Variants in EYS observed in about 807,000 individuals in gnomAD.
The protein encoded by EYS is protein eyes shut homolog.
Under a neutral mutation model 282.1 loss-of-function variants are expected in EYS, and 250 were observed. The observed-to-expected ratio is 0.89, with a 90% CI of 0.80 to 0.98. The LOEUF is 0.98. EYS is among the 50% of genes least tolerant of loss of function. The pLI, the probability that EYS is intolerant of heterozygous loss-of-function variation, is 0.00. For missense variants in EYS, 4,016 were observed against 3,709.0 expected (o/e 1.08, Z -2.15); for synonymous variants, 1,355 against 1,282.9 (o/e 1.06, Z -1.20).
intron 37 of EYS, among the ~76,000 whole-genome samples, chr6:63,792,452 C>A (rs1178426942): frequency 6.6e-6 from 1 of 152,030 alleles, no homozygotes; most frequent in Non-Finnish European, 1.5e-5. Context: ...AAGTCCTTTA[C>A]AATCATTTAG....
At chr6:64,313,996 G>A (rs1265119255) in intron 29 of EYS, among the ~76,000 whole-genome samples, 2 of 151,918 alleles carry the variant, frequency 1.3e-5, no homozygotes, top group Admixed American at 6.6e-5. Context: ...CATAATGACA[G>A]GATCAAATTC....
At chr6:64,867,906 A>C (rs9294627) in intron 19 of EYS, among the ~76,000 whole-genome samples, 23,497 of 151,450 alleles carry the variant, frequency 0.16, 2,145 homozygotes, top group East Asian at 0.49. Context: ...TTCATTAGAC[A>C]ACTGACATTA....
chr6:63,788,691 C>T (rs1337433645), intron 38 of EYS, among the ~76,000 whole-genome samples: 1 of 152,168 alleles, frequency 6.6e-6, no homozygotes, highest in Non-Finnish European at 1.5e-5. Flanking sequence ...CCTTATCTGT[C>T]TCTAACCACT....
At chr6:64,051,271 T>C (rs768906286) in intron 33 of EYS, among the ~76,000 whole-genome samples, 4 of 152,164 alleles carry the variant, frequency 2.6e-5, no homozygotes, top group Non-Finnish European at 5.9e-5. Flanking sequence ...CCTGCTTGCA[T>C]AGAGTTTATA....
chr6:64,558,216 T>A (rs1368544017), intron 26 of EYS, among the ~76,000 whole-genome samples: 5 of 152,050 alleles, frequency 3.3e-5, no homozygotes, highest in Admixed American at 3.3e-4. Flanking sequence ...TAAATATTTT[T>A]ATAATATTTT....
chr6:63,757,290 C>T (rs1275612942), intron 41 of EYS, among the ~76,000 whole-genome samples: 1 of 151,834 alleles, frequency 6.6e-6, no homozygotes, highest in Non-Finnish European at 1.5e-5. Context: ...TGAAAGATGC[C>T]CTGGTTTCCT....
At chr6:65,497,012 C>A (rs1007925028) in intron 2 of EYS, among the ~76,000 whole-genome samples, 2 of 151,878 alleles carry the variant, frequency 1.3e-5, no homozygotes, top group African/African-American at 4.8e-5. Context: ...ACAAATAACA[C>A]AAATATGCAT....
intron 22 of EYS, among the ~76,000 whole-genome samples, chr6:64,643,782 C>A (rs1377970894): frequency 1.3e-5 from 2 of 152,204 alleles, no homozygotes; most frequent in Non-Finnish European, 2.9e-5. Flanking sequence ...CTTTCTTTGC[C>A]TGCTGCCATC....
chr6:63,890,005 C>A (rs1389846405), intron 35 of EYS, among the ~76,000 whole-genome samples: 1 of 152,008 alleles, frequency 6.6e-6, no homozygotes, highest in East Asian at 1.9e-4. Context: ...CAACAAAGAT[C>A]AAAAAAGACA....
chr6:64,555,051 A>G (rs2149808100), intron 26 of EYS, among the ~76,000 whole-genome samples: 1 of 152,162 alleles, frequency 6.6e-6, no homozygotes, highest in East Asian at 1.9e-4. Flanking sequence ...TCAGTACGTC[A>G]AAAAGATATA....
At chr6:63,827,866 A>AAAAAT (rs1562046172) in intron 36 of EYS, among the ~76,000 whole-genome samples, 35 of 148,504 alleles carry the variant, frequency 2.4e-4, no homozygotes, top group African/African-American at 4.7e-4. Context: ...AAAAAAAAAA[A>AAAAAT]AAAAAGAAAT....
chr6:65,296,654 T>C (rs1457497457), intron 11 of EYS, among the ~76,000 whole-genome samples: 1 of 151,858 alleles, frequency 6.6e-6, no homozygotes, highest in Non-Finnish European at 1.5e-5. Flanking sequence ...ATATTTTGAA[T>C]TTTAAAATAT....
At position 64,130,463 on chromosome 6, in the gene EYS, C is replaced by T. The variant is rs574366964; in HGVS notation, c.6425-48461G>A. 1.2e-4 allele frequency among the ~76,000 whole-genome samples: 19 copies of T among 152,208 alleles called. No homozygotes were observed. The South Asian group carries it at 3.9e-3, about 32-fold the overall frequency. ...CATGGACACAGGAAAGGGAACATCA[C>T]ACACTGGGGCCTGTTGTGGGGTGCA... On this transcript the variant is annotated intron_variant, in intron 31 of 42. Coordinates refer to ENST00000503581, the MANE Select transcript of EYS (RefSeq NM_001142800.2).
chr6:64,406,006 A>G (rs1312685526), intron 28 of EYS, among the ~76,000 whole-genome samples: 1 of 152,186 alleles, frequency 6.6e-6, no homozygotes, highest in Non-Finnish European at 1.5e-5. Context: ...AGCCAAGACA[A>G]TGTGAAGCCA....
intron 14 of EYS, among the ~76,000 whole-genome samples, chr6:64,996,671 G>T (rs977577375): frequency 6.6e-6 from 1 of 152,160 alleles, no homozygotes; most frequent in African/African-American, 2.4e-5. Flanking sequence ...ATGTAAATGC[G>T]AGTTACAGTT....
At chr6:65,086,698 G>A (rs1774386791) in intron 12 of EYS, among the ~76,000 whole-genome samples, 1 of 152,218 alleles carries the variant, frequency 6.6e-6, no homozygotes, top group South Asian at 2.1e-4. Context: ...AGGTCTGTCT[G>A]CATTATGTCT....
intron 12 of EYS, among the ~76,000 whole-genome samples, chr6:65,164,068 C>T (rs752507980): frequency 4.6e-5 from 7 of 151,168 alleles, no homozygotes; most frequent in Non-Finnish European, 8.9e-5. Flanking sequence ...GAGCAGATAA[C>T]TGAGGAAAAA....
At chr6:64,312,788 G>A (rs192284639) in intron 29 of EYS, among the ~76,000 whole-genome samples, 30 of 152,234 alleles carry the variant, frequency 2.0e-4, no homozygotes, top group Non-Finnish European at 1.5e-5. Flanking sequence ...GTAGCAGAGG[G>A]AACTGACTGT....
At chr6:64,452,055 G>A (rs987192923) in intron 26 of EYS, among the ~76,000 whole-genome samples, 1 of 152,194 alleles carries the variant, frequency 6.6e-6, no homozygotes, top group African/African-American at 2.4e-5. Flanking sequence ...ATTAGGAAAA[G>A]AGGAAGTCAA....
Sources: allele counts gnomAD v4.1 joint callset (sites outside exome capture counted in the v4.1 genomes callset), GRCh38; gene constraint gnomAD v4.1.1; transcripts MANE v1.5; gene names NCBI Gene and HGNC (gene_info 2026-07-23, HGNC 2026-07-21).